Variants in DISC1 observed in about 807,000 individuals in gnomAD.
DISC1 encodes disrupted in schizophrenia 1 protein.
DISC1 carries 57 observed loss-of-function variants against 84.5 expected under a neutral mutation model. The observed-to-expected ratio is 0.67, with a 90% CI of 0.55 to 0.84. DISC1 has a LOEUF of 0.84. DISC1 is among the 40% of genes least tolerant of loss of function. DISC1 has a pLI of 0.00. For missense variants in DISC1, 1,000 were observed against 1,057.8 expected (o/e 0.95, Z 0.76); for synonymous variants, 411 against 415.2 (o/e 0.99, Z 0.12).
At chr1:231,771,268 C>G (rs2076532979) in intron 6 of DISC1, 198 bp downstream of exon 6, 1 of 984,450 alleles carries the variant, frequency 1.0e-6, no homozygotes, top group Non-Finnish European at 1.2e-6. Context: ...ATTTCACATC[C>G]TGGCCACTTA....
At chr1:231,883,678 CCTGGTGAGAG>C (rs2086458848) in intron 9 of DISC1, among the ~76,000 whole-genome samples, 1 of 152,006 alleles carries the variant, frequency 6.6e-6, no homozygotes, top group East Asian at 1.9e-4. Context: ...GAGCCTGAGG[CCTGGTGAGAG>C]CTGGTGAGAG....
chr1:231,914,549 T>G (rs532132293), intron 9 of DISC1, among the ~76,000 whole-genome samples: 1 of 152,146 alleles, frequency 6.6e-6, no homozygotes, highest in Non-Finnish European at 1.5e-5. Flanking sequence ...CCAACTTTTA[T>G]CCTTTGCCTT....
chr1:231,980,602 G>A (rs1274089021), intron 10 of DISC1, among the ~76,000 whole-genome samples: 1 of 152,090 alleles, frequency 6.6e-6, no homozygotes, highest in Non-Finnish European at 1.5e-5. Flanking sequence ...TTATAAACAT[G>A]GTTTTAATAG....
At chr1:231,944,703 A>T (rs1420089599) in intron 9 of DISC1, among the ~76,000 whole-genome samples, 1 of 152,196 alleles carries the variant, frequency 6.6e-6, no homozygotes, top group Non-Finnish European at 1.5e-5. Context: ...CCTCAGGCCT[A>T]GGAAAGCACA....
chr1:231,931,645 A>ATTT (rs10652394), intron 9 of DISC1, among the ~76,000 whole-genome samples: 19,194 of 137,748 alleles, frequency 0.14, 1,709 homozygotes, highest in East Asian at 0.41. Flanking sequence ...ACTGCTTGTG[A>ATTT]TTTTTTTTTT....
At chr1:231,685,795 C>T (rs2064199002) in intron 1 of DISC1, among the ~76,000 whole-genome samples, 1 of 152,190 alleles carries the variant, frequency 6.6e-6, no homozygotes, top group Non-Finnish European at 1.5e-5. Flanking sequence ...TCCAAAGTCT[C>T]ATCTGAGACA....
intron 9 of DISC1, among the ~76,000 whole-genome samples, chr1:231,907,131 C>CTTCCTCTTTCTTTCTTTCTTTCTT (rs1334782802): frequency 2.1e-5 from 2 of 93,202 alleles, no homozygotes; most frequent in African/African-American, 9.6e-5. Context: ...TCCTTCCTTC[C>CTTCCTCTTTCTTTCTTTCTTTCTT]TCTTTCTTTC....
At chr1:231,792,150 G>A (rs572559600) in intron 6 of DISC1, among the ~76,000 whole-genome samples, 35 of 152,218 alleles carry the variant, frequency 2.3e-4, no homozygotes, top group African/African-American at 7.7e-4. Context: ...ACGTAATTGG[G>A]AAGGCAAATC....
intron 9 of DISC1, among the ~76,000 whole-genome samples, chr1:231,932,002 T>C (rs975036276): frequency 6.6e-6 from 1 of 152,028 alleles, no homozygotes; most frequent in Non-Finnish European, 1.5e-5. Flanking sequence ...GCCCGACTAT[T>C]TGCATACGTG....
At chr1:231,913,719 T>C (rs1445427656) in intron 9 of DISC1, among the ~76,000 whole-genome samples, 1 of 152,230 alleles carries the variant, frequency 6.6e-6, no homozygotes, top group African/African-American at 2.4e-5. Context: ...ATGCTCTGAC[T>C]CTTTCCTCTG....
intron 12 of DISC1, among the ~76,000 whole-genome samples, chr1:232,035,404 C>G (rs916088807): frequency 2.0e-5 from 3 of 152,186 alleles, no homozygotes; most frequent in African/African-American, 7.2e-5. Flanking sequence ...GAGATCGCAC[C>G]ACTGCACTCC....
At chr1:231,803,575 G>A (rs1173356082) in intron 8 of DISC1, among the ~76,000 whole-genome samples, 1 of 152,114 alleles carries the variant, frequency 6.6e-6, no homozygotes, top group Non-Finnish European at 1.5e-5. Context: ...TGCCACAAGA[G>A]CTGTGCCCTA....
chr1:231,657,852 GTACCAA>G (rs2061247843), intron 1 of DISC1, among the ~76,000 whole-genome samples: 1 of 152,082 alleles, frequency 6.6e-6, no homozygotes, highest in Non-Finnish European at 1.5e-5. Context: ...GTCTGTTCCT[GTACCAA>G]TACCCTGCTG....
At chr1:231,967,943 C>T (rs1301278223) in intron 10 of DISC1, among the ~76,000 whole-genome samples, 3 of 152,118 alleles carry the variant, frequency 2.0e-5, no homozygotes, top group Non-Finnish European at 4.4e-5. Flanking sequence ...ACATTAGTAA[C>T]ACTTTGATGG....
At chr1:231,873,321 G>A (rs2125960556) in intron 9 of DISC1, among the ~76,000 whole-genome samples, 1 of 152,332 alleles carries the variant, frequency 6.6e-6, no homozygotes, top group East Asian at 1.9e-4. Flanking sequence ...AAGCCAAGAA[G>A]AGGTCATCGA....
intron 9 of DISC1, among the ~76,000 whole-genome samples, chr1:231,885,002 T>C (rs983813640): frequency 6.6e-6 from 1 of 152,178 alleles, no homozygotes; most frequent in Non-Finnish European, 1.5e-5. Flanking sequence ...CATGGCCAAC[T>C]GGCTTTAGAA....
At position 231,987,809 on chromosome 1, in the gene DISC1, G is replaced by A. The variant is rs928801516; in HGVS notation, c.2043-20976G>A. On this transcript the variant is annotated intron_variant, in intron 10 of 12. Coordinates refer to ENST00000439617, the MANE Select transcript of DISC1 (RefSeq NM_018662.3). ...TTTTGTGACGTGTATGTTACCACAT[G>A]TATTAAAATTCAGATCAATTTGCAT... 2.0e-5 allele frequency among the ~76,000 whole-genome samples: 3 copies of A among 152,164 alleles called. No individual in the cohort carries two copies. The East Asian group carries it at 5.8e-4, about 29-fold the overall frequency.
intron 9 of DISC1, among the ~76,000 whole-genome samples, chr1:231,923,241 C>G (rs561261397): frequency 6.6e-6 from 1 of 150,644 alleles, no homozygotes. Flanking sequence ...GAGTCAAGAT[C>G]ACGCCACTGC....
At chr1:231,959,480 A>T (rs1423310994) in intron 10 of DISC1, 1 of 985,522 alleles carries the variant, frequency 1.0e-6, no homozygotes, top group African/African-American at 1.7e-5. Flanking sequence ...TTAAGGCAAC[A>T]AGTACTAGAG....
Sources: allele counts gnomAD v4.1 joint callset (sites outside exome capture counted in the v4.1 genomes callset), GRCh38; gene constraint gnomAD v4.1.1; transcripts MANE v1.5; gene names NCBI Gene and HGNC (gene_info 2026-07-23, HGNC 2026-07-21).